ADCYAP1R1: variants seen among roughly 807,000 people sequenced by gnomAD.
ADCYAP1R1 encodes the protein pituitary adenylate cyclase-activating polypeptide type I receptor.
Under a neutral mutation model 67.6 loss-of-function variants are expected in ADCYAP1R1, and 44 were observed. The observed-to-expected ratio is 0.65, with a 90% CI of 0.51 to 0.84. The LOEUF (loss-of-function observed/expected upper bound fraction) is 0.84, where lower values mean the gene tolerates loss of function less well. ADCYAP1R1 is among the 40% of genes least tolerant of loss of function. The pLI is 0.00. For synonymous variants in ADCYAP1R1, 222 were observed against 219.6 expected (o/e 1.01, Z -0.10); for missense variants, 477 against 587.9 (o/e 0.81, Z 1.95).
chr7:31,070,202 C>T (rs577637994), intron 3 of ADCYAP1R1, among the ~76,000 whole-genome samples: 3 of 152,356 alleles, frequency 2.0e-5, no homozygotes, highest in East Asian at 3.9e-4. Context: ...CCCCAGGCTC[C>T]GTTCCTTCTG....
intron 1 of ADCYAP1R1, among the ~76,000 whole-genome samples, chr7:31,053,812 G>A (rs1023226537): frequency 1.3e-5 from 2 of 152,198 alleles, no homozygotes; most frequent in African/African-American, 4.8e-5. Flanking sequence ...GAAGGGGCTG[G>A]ACGCAGCATG....
chr7:31,054,252 AT>A (rs1480106377), intron 1 of ADCYAP1R1, among the ~76,000 whole-genome samples: 1 of 152,076 alleles, frequency 6.6e-6, no homozygotes, highest in Non-Finnish European at 1.5e-5. Flanking sequence ...TGGGTGGTTC[AT>A]GGGTGGTTGG....
At chr7:31,085,653 C>T (rs972108071) in intron 9 of ADCYAP1R1, among the ~76,000 whole-genome samples, 5 of 152,132 alleles carry the variant, frequency 3.3e-5, no homozygotes, top group Non-Finnish European at 7.3e-5. Flanking sequence ...TCACTTCCAG[C>T]CAAAATGCTT....
At chr7:31,058,177 T>C (rs1325295055) in intron 1 of ADCYAP1R1, among the ~76,000 whole-genome samples, 1 of 152,142 alleles carries the variant, frequency 6.6e-6, no homozygotes, top group East Asian at 1.9e-4. Flanking sequence ...AAGAGCAGAG[T>C]TGCCTTCAGC....
rs758655798 is a variant in ADCYAP1R1, at chr7:31,103,264, C to T, written c.1074C>T (p.Leu358=). The T allele has an allele frequency of 1.9e-6, 3 of 1,614,040 alleles. No individual in the cohort carries two copies. In the Admixed American group the frequency reaches 5.0e-5, roughly 27 times the overall value. Residue 358 remains leucine, a synonymous_variant, in exon 14 of 16, where the codon CTC becomes CTT. Transcript: ENST00000304166. ...YLRLARSTLL[L]IPLFGIHYTV... ...GACTGGCCCGGTCCACCCTGCTGCT[C>T]ATCCCACTATTCGGAATCCACTACA...
At chr7:31,066,181 A>G (rs886704625) in intron 3 of ADCYAP1R1, among the ~76,000 whole-genome samples, 2 of 152,204 alleles carry the variant, frequency 1.3e-5, no homozygotes, top group Admixed American at 6.5e-5. Flanking sequence ...CCCTGAGGGC[A>G]GGGATGGTGT....
intron 1 of ADCYAP1R1, among the ~76,000 whole-genome samples, chr7:31,059,909 G>C (rs1353148945): frequency 2.0e-5 from 3 of 151,784 alleles, no homozygotes; most frequent in African/African-American, 7.3e-5. Flanking sequence ...TGCTGGCGGG[G>C]GCGTCTGTGT....
chr7:31,103,190 C>T (rs755005198), intron 13 of ADCYAP1R1, 47 bp from the exon 14 acceptor site: 15 of 1,600,928 alleles, frequency 9.4e-6, no homozygotes, highest in East Asian at 6.7e-5. Context: ...GCTCTGGCCC[C>T]GAGCCCTGGA....
intron 13 of ADCYAP1R1, among the ~76,000 whole-genome samples, chr7:31,093,907 C>A (rs1796074894): frequency 6.6e-6 from 1 of 152,012 alleles, no homozygotes. Flanking sequence ...GAGGGAGAGG[C>A]AAGAACTGCT....
intron 2 of ADCYAP1R1, 108 bp downstream of exon 2, chr7:31,063,423 T>A: frequency 7.7e-7 from 1 of 1,296,326 alleles, no homozygotes; most frequent in Non-Finnish European, 1.1e-6. Context: ...ATCTGGCTGG[T>A]ATTTCTGCCA....
At chr7:31,085,830 G>C (rs1032289836) in intron 9 of ADCYAP1R1, among the ~76,000 whole-genome samples, 1 of 152,168 alleles carries the variant, frequency 6.6e-6, no homozygotes, top group Non-Finnish European at 1.5e-5. Flanking sequence ...ATTGGCCAGG[G>C]GTCTTTCCAG....
chr7:31,085,227 T>A, intron 8 of ADCYAP1R1, 83 bp from the exon 9 acceptor site: 1 of 1,530,958 alleles, frequency 6.5e-7, no homozygotes. Flanking sequence ...AGCCACAGAG[T>A]TGGCCCACCA....
intron 3 of ADCYAP1R1, among the ~76,000 whole-genome samples, chr7:31,069,910 G>A (rs113424527): frequency 9.4e-4 from 143 of 152,116 alleles, no homozygotes; most frequent in Middle Eastern, 3.4e-3. Flanking sequence ...GAGAGGAGGG[G>A]GTTTGGAGAC....
intron 5 of ADCYAP1R1, 33 bp from the exon 6 acceptor site, chr7:31,081,680 A>G: frequency 6.4e-7 from 1 of 1,569,366 alleles, no homozygotes; most frequent in Non-Finnish European, 8.7e-7. Context: ...TAAGCCAGGC[A>G]TTTTGATATA....
In ADCYAP1R1 at chr7:31,086,638, G is replaced by T. The variant is rs546968966; in HGVS notation, c.823+101G>T. The T allele has an allele frequency of 1.4e-6, 2 of 1,407,106 alleles. No homozygotes were observed. The highest frequency in any genetic ancestry group is 1.3e-5 in the South Asian group (1 of 76,716). The allele number at this position is 1,407,106 out of a possible 1,614,324, so 87.2% of individuals were successfully genotyped here. ...TTCAGGAAGTGTCAGGTGAGGAGGG[G>T]CCACTGCCCTGCCCGAGTCTAATGG... On this transcript the variant is annotated intron_variant, in intron 10 of 15. Coordinates refer to ENST00000304166, the MANE Select transcript of ADCYAP1R1 (RefSeq NM_001118.5). This position sits in a 1 kb window ranked among gnomAD's most constrained non-coding sequence, Gnocchi z 5.0.
intron 3 of ADCYAP1R1, among the ~76,000 whole-genome samples, chr7:31,070,183 C>T (rs184908384): frequency 1.3e-5 from 2 of 152,344 alleles, no homozygotes; most frequent in East Asian, 3.9e-4. Flanking sequence ...CATCTCCAGG[C>T]CACACAGCCC....
At position 31,081,732 on chromosome 7, in the gene ADCYAP1R1, C is replaced by T. The variant is rs1795520883; in HGVS notation, c.306C>T (p.Asp102=). Residue 102 remains aspartate, a synonymous_variant, in exon 6 of 16, where the codon GAC becomes GAT. Coordinates refer to ENST00000304166, the MANE Select transcript of ADCYAP1R1 (RefSeq NM_001118.5). ...TTTCAGGAGAGTCTGATTTTGGTGACAGTAACTCCTTAGATCTCTCAGGTA... is the reference window on the plus strand; with the variant it reads ...TTTCAGGAGAGTCTGATTTTGGTGATAGTAACTCCTTAGATCTCTCAGGTA... ...TETIGESDFG[D]SNSLDLSDMG... The T allele has an allele frequency of 6.9e-6, 11 of 1,597,680 alleles. No individual in the cohort carries two copies. The highest frequency in any genetic ancestry group is 1.2e-5 in the South Asian group (1 of 86,460).
At chr7:31,084,939 C>A in intron 8 of ADCYAP1R1, 105 bp downstream of exon 8, 1 of 1,099,104 alleles carries the variant, frequency 9.1e-7, no homozygotes, top group Non-Finnish European at 1.4e-6. Flanking sequence ...TAGAAGACCC[C>A]TTTGAAGGCA....
chr7:31,100,502 G>A (rs894158851), intron 13 of ADCYAP1R1, among the ~76,000 whole-genome samples: 6 of 152,136 alleles, frequency 3.9e-5, no homozygotes, highest in Non-Finnish European at 8.8e-5. Flanking sequence ...GCCTTCCTCA[G>A]TCCCCAACTT....
Sources: allele counts gnomAD v4.1 joint callset (sites outside exome capture counted in the v4.1 genomes callset), GRCh38; gene constraint gnomAD v4.1.1; non-coding constraint Gnocchi (gnomAD v3.1); transcripts MANE v1.5; gene names NCBI Gene and HGNC (gene_info 2026-07-23, HGNC 2026-07-21).